The following NANP variants were observed in gnomAD, a reference collection of about 807,000 sequenced individuals.
The protein encoded by NANP is N-acetylneuraminic acid phosphatase.
A neutral mutation model predicts 16.9 loss-of-function variants in NANP; 15 were observed. The ratio of observed to expected loss-of-function variants is 0.89; its 90% CI spans 0.59 to 1.37. The LOEUF (loss-of-function observed/expected upper bound fraction) is 1.37, where lower values mean the gene tolerates loss of function less well. NANP is among the 40% of genes most tolerant of loss of function. The pLI, the probability that NANP is intolerant of heterozygous loss-of-function variation, is 0.00. For missense variants in NANP, 290 were observed against 303.5 expected, an observed-to-expected ratio of 0.96 and a Z score of 0.33; for synonymous variants, 135 against 112.6, an observed-to-expected ratio of 1.20 and a Z score of -1.26.
Position 25,616,270 on chromosome 20 carries a change from G to GT in NANP, c.401dup (p.Asp134GlufsTer10). 1 of 1,614,096 alleles carries GT rather than the reference G, an allele frequency of 6.2e-7. No homozygotes were observed. Among genetic ancestry groups the GT allele is most frequent in the East Asian group, 2.2e-5 (1 of 44,872 alleles). The stretch of plus-strand genomic sequence containing the variant: ...CAATCTTCTCCCTCTGGGTCTGTCT[G>GT]TCCCCATTCGTTAATAGAAGTAGGC... On this transcript the variant is annotated frameshift_variant, in exon 2 of 2. Transcript: ENST00000304788. LOFTEE classifies it high-confidence loss of function.
In NANP at chr20:25,616,575, T is replaced by A. The variant is rs1289489068; in HGVS notation, c.97A>T (p.Lys33Ter). The A allele has an allele frequency of 3.2e-6, 5 of 1,581,612 alleles. No individual in the cohort carries two copies. Among genetic ancestry groups the A allele is most frequent in the Non-Finnish European group, 4.3e-6 (5 of 1,166,598 alleles). ...ASRRGMLEVI[K>*]LLQSKYHYKE... ...TAATGGTATTTTGATTGTAAGAGTTTTATCACCTAAATAATGGAAAATAAC... is the reference window on the plus strand; with the variant it reads ...TAATGGTATTTTGATTGTAAGAGTTATATCACCTAAATAATGGAAAATAAC... Residue 33 changes from lysine (K) to a stop codon, truncating the protein, a stop_gained, in exon 2 of 2, where the codon AAA (lysine) becomes TAA (stop). Coordinates refer to ENST00000304788, the MANE Select transcript of NANP (RefSeq NM_152667.3). LOFTEE classifies it high-confidence loss of function.
intron 1 of NANP, among the ~76,000 whole-genome samples, chr20:25,622,339 T>G (rs1032748819): frequency 6.6e-6 from 1 of 152,222 alleles, no homozygotes; most frequent in Admixed American, 6.5e-5. Context: ...GAGTGGACAC[T>G]GCAACCATGG....
intron 1 of NANP, among the ~76,000 whole-genome samples, chr20:25,617,363 C>T (rs1002872802): frequency 1.3e-5 from 2 of 152,276 alleles, no homozygotes; most frequent in African/African-American, 4.8e-5. Context: ...AGGCGCCCAC[C>T]ACGACGCCTG....
Position 25,616,172 on chromosome 20 carries a change from GGT to G in NANP, c.498_499del (p.Pro167ValfsTer22). 6.2e-7 allele frequency: 1 copy of G among 1,614,090 alleles called. No homozygotes were observed. Among genetic ancestry groups the G allele is most frequent in the Non-Finnish European group, 8.5e-7 (1 of 1,180,028 alleles). On this transcript the variant is annotated frameshift_variant, in exon 2 of 2. Coordinates refer to ENST00000304788, the MANE Select transcript of NANP (RefSeq NM_152667.3). LOFTEE classifies it high-confidence loss of function. Reference sequence around the variant, plus strand: ...ATTGCAGCAGTAATAAAATATGGACGGTGCTGGTTTCTCCTCTCTCTGCTCTC... The same window carrying G: ...ATTGCAGCAGTAATAAAATATGGACGGCTGGTTTCTCCTCTCTCTGCTCTC...
chr20:25,618,519 G>A (rs1163406305), intron 1 of NANP, among the ~76,000 whole-genome samples: 1 of 152,056 alleles, frequency 6.6e-6, no homozygotes, highest in Non-Finnish European at 1.5e-5. Context: ...GTTATAGCAG[G>A]TGCTGCCTAA....
chr20:25,620,581 A>G (rs976084101), intron 1 of NANP, among the ~76,000 whole-genome samples: 2 of 152,236 alleles, frequency 1.3e-5, no homozygotes, highest in African/African-American at 4.8e-5. Context: ...ACACTTTAAG[A>G]AAAGTGTATT....
At chr20:25,623,395 C>CT (rs2065375031) in intron 1 of NANP, among the ~76,000 whole-genome samples, 1 of 152,230 alleles carries the variant, frequency 6.6e-6, no homozygotes, top group Non-Finnish European at 1.5e-5. Flanking sequence ...AGCCGTGTCC[C>CT]TTCTTGGGTC....
rs775542497 is a variant in NANP, at chr20:25,615,913, C to G, written c.*12G>C. 10 of 1,591,144 alleles carry G rather than the reference C, an allele frequency of 6.3e-6. 1 individual carries two copies. In the South Asian group the frequency reaches 1.0e-4, roughly 16 times the overall value. On this transcript the variant is annotated 3_prime_UTR_variant, in exon 2 of 2. Transcript: ENST00000304788. ...TGATTCTAACATTCATAATCATGCC[C>G]TTTTATGTGCTTTAAGTGGACATAC...
rs780163059 is a variant in NANP at position 25,623,928 on chromosome 20, C to T, written c.21G>A (p.Arg7=). The T allele has an allele frequency of 1.4e-5, 22 of 1,613,254 alleles. No individual in the cohort carries two copies. Among genetic ancestry groups the T allele is most frequent in the Non-Finnish European group, 1.5e-5 (18 of 1,179,794 alleles). Residue 7 remains arginine (R), a synonymous_variant, in exon 1 of 2, where the codon CGG becomes CGA. Transcript: ENST00000304788. MGLSRV[R]AVFFDLDNTL... The stretch of plus-strand genomic sequence containing the variant: ...TGTTGTCCAAGTCAAAGAAAACCGC[C>T]CGCACGCGGCTCAGCCCCATAGCGC...
At position 25,623,853 on chromosome 20, in the gene NANP, C is replaced by T. The variant is rs1371729157; in HGVS notation, c.90+6G>A. On this transcript the variant is annotated splice_donor_region_variant and intron_variant, in intron 1 of 1. Coordinates refer to ENST00000304788, the MANE Select transcript of NANP (RefSeq NM_152667.3). ...CCCAGAGGAGCGCCATGGGTGGGGACGTTACCTCCAACATGCCTCTCCTGC... is the reference window on the plus strand; with the variant it reads ...CCCAGAGGAGCGCCATGGGTGGGGATGTTACCTCCAACATGCCTCTCCTGC... The T allele has an allele frequency of 2.5e-6, 4 of 1,612,584 alleles. No individual in the cohort carries two copies. Among genetic ancestry groups the T allele is most frequent in the Middle Eastern group, 1.7e-4 (1 of 6,058 alleles).
chr20:25,618,940 C>T (rs1209628833), intron 1 of NANP, among the ~76,000 whole-genome samples: 2 of 152,122 alleles, frequency 1.3e-5, no homozygotes, highest in Admixed American at 6.5e-5. Flanking sequence ...GAAAGTCAAA[C>T]ATGCCAGGCA....
chr20:25,622,100 A>G (rs2065366714), intron 1 of NANP, among the ~76,000 whole-genome samples: 1 of 152,250 alleles, frequency 6.6e-6, no homozygotes, highest in African/African-American at 2.4e-5. Flanking sequence ...AAAATACAGC[A>G]CTACTATAAG....
intron 1 of NANP, among the ~76,000 whole-genome samples, chr20:25,622,114 G>C (rs773274931): frequency 6.6e-6 from 1 of 152,228 alleles, no homozygotes; most frequent in Non-Finnish European, 1.5e-5. Flanking sequence ...CTATAAGTGA[G>C]GGTGTAAAGA....
intron 1 of NANP, among the ~76,000 whole-genome samples, chr20:25,621,520 T>C (rs1438665672): frequency 6.6e-6 from 1 of 152,218 alleles, no homozygotes; most frequent in East Asian, 1.9e-4. Flanking sequence ...CCCAAGGCCA[T>C]AAATGGCTGG....
chr20:25,616,860 T>A (rs1273581244), intron 1 of NANP, among the ~76,000 whole-genome samples: 1 of 152,188 alleles, frequency 6.6e-6, no homozygotes, highest in East Asian at 1.9e-4. Flanking sequence ...TCCAACATCT[T>A]TCATTCTGGT....
rs533156689 is a variant in NANP at position 25,617,843 on chromosome 20, C to G, written c.91-1262G>C. ...CAATTCTGTACTTTTGAGTTAAATA[C>G]TCCCTCTTCCTGCGTTCCCAAGGCT... On this transcript the variant is annotated intron_variant, in intron 1 of 1. Transcript: ENST00000304788. Among the ~76,000 whole-genome samples the G allele has an allele frequency of 2.6e-5, 4 of 152,284 alleles. No homozygotes were observed. In the East Asian group the frequency reaches 7.7e-4, roughly 29 times the overall value.
intron 1 of NANP, 103 bp downstream of exon 1, chr20:25,623,756 C>T: frequency 7.7e-6 from 9 of 1,171,488 alleles, no homozygotes; most frequent in Non-Finnish European, 1.1e-5. Context: ...CAAGAGCGGC[C>T]CGCGGCGCCG....
Position 25,614,041 on chromosome 20 carries a change from A to G in NANP, c.*1884T>C. On this transcript the variant is annotated 3_prime_UTR_variant, in exon 2 of 2. Coordinates refer to ENST00000304788, the MANE Select transcript of NANP (RefSeq NM_152667.3). ...TCATATGGGTACTGCATTTGAAACTACAAACATCCTCTGTTCACAAATGTT... is the reference window on the plus strand; with the variant it reads ...TCATATGGGTACTGCATTTGAAACTGCAAACATCCTCTGTTCACAAATGTT... The G allele has an allele frequency of 2.6e-6, 1 of 391,650 alleles. No homozygotes were observed. The highest frequency in any genetic ancestry group is 4.5e-6 in the Non-Finnish European group (1 of 222,168). The allele number at this position is 391,650 out of a possible 1,614,324, so 24.3% of individuals were successfully genotyped here.
rs2065340755 is a variant in NANP at position 25,615,813 on chromosome 20, T to A, written c.*112A>T. ...CTTCAAAATATTGGCCATTAAATCA[T>A]AAGTAAAATTATTCTTAGAGCTGGA... On this transcript the variant is annotated 3_prime_UTR_variant, in exon 2 of 2. Transcript: ENST00000304788. 8.2e-6 allele frequency: 9 copies of A among 1,096,850 alleles called. No individual in the cohort carries two copies. The South Asian group carries it at 1.5e-4, about 18-fold the overall frequency. 67.9% of individuals were successfully genotyped at this position (1,096,850 alleles called of 1,614,324 possible).
Sources: gnomAD v4.1 joint callset for allele counts (sites outside exome capture counted in the v4.1 genomes callset) on GRCh38, gnomAD v4.1.1 for gene constraint, MANE v1.5 for transcripts, NCBI Gene and HGNC (gene_info 2026-07-23, HGNC 2026-07-21) for gene names.